The following GATAD2B variants were observed in gnomAD, a reference collection of about 807,000 sequenced individuals.
GATAD2B encodes the protein transcriptional repressor p66-beta.
GATAD2B carries 8 observed loss-of-function variants against 64.3 expected under a neutral mutation model. The ratio of observed to expected loss-of-function variants is 0.12; its 90% CI spans 0.07 to 0.22. GATAD2B has a LOEUF of 0.22. GATAD2B is among the 10% of genes least tolerant of loss of function. The probability of loss-of-function intolerance (pLI) is 1.00; values close to 1 mark genes in which losing one functional copy is unlikely to be tolerated. For missense variants in GATAD2B, 453 were observed against 752.0 expected (o/e 0.60, Z 4.65); for synonymous variants, 281 against 271.3 (o/e 1.04, Z -0.35).
intron 1 of GATAD2B, among the ~76,000 whole-genome samples, chr1:153,880,046 G>C (rs1472508136): frequency 1.3e-5 from 2 of 152,110 alleles, no homozygotes; most frequent in African/African-American, 4.8e-5. Context: ...AAATAAAAAA[G>C]AAGGGGGAGT....
chr1:153,922,411 G>A (rs1245955820), intron 1 of GATAD2B, among the ~76,000 whole-genome samples: 1 of 151,396 alleles, frequency 6.6e-6, no homozygotes, highest in Non-Finnish European at 1.5e-5. Context: ...AAGAGTACAA[G>A]GAGACGAAAT....
At chr1:153,908,533 A>G (rs1181355136) in intron 1 of GATAD2B, among the ~76,000 whole-genome samples, 2 of 151,714 alleles carry the variant, frequency 1.3e-5, no homozygotes, top group Non-Finnish European at 2.9e-5. Flanking sequence ...CTGGAATCCA[A>G]TGTCGCAATC....
In GATAD2B at chr1:153,850,234, C is replaced by T. The variant is rs758469520; in HGVS notation, c.-1-21886G>A. ...CTGAATAATTTTTTTATATTCATTT[C>T]CCAGTTTGGGGATCTCAGACCAAGC... On this transcript the variant is annotated intron_variant, in intron 1 of 10. Transcript: ENST00000368655. Among the ~76,000 whole-genome samples, 53 of 152,168 alleles carry T rather than the reference C, an allele frequency of 3.5e-4. 1 individual carries two copies. Among genetic ancestry groups the T allele is most frequent in the Admixed American group, 1.8e-3 (27 of 15,280 alleles).
intron 1 of GATAD2B, among the ~76,000 whole-genome samples, chr1:153,903,568 G>A (rs1032160499): frequency 2.6e-5 from 4 of 152,034 alleles, no homozygotes; most frequent in Non-Finnish European, 2.9e-5. Flanking sequence ...AAATAATAGC[G>A]ATGAAAATCA....
chr1:153,860,659 T>C (rs1321316365), intron 1 of GATAD2B, among the ~76,000 whole-genome samples: 1 of 151,980 alleles, frequency 6.6e-6, no homozygotes, highest in African/African-American at 2.4e-5. Flanking sequence ...TCTTATCTAC[T>C]TAAAAAAAAT....
At chr1:153,892,394 TTCCC>T (rs1052000413) in intron 1 of GATAD2B, among the ~76,000 whole-genome samples, 9 of 152,080 alleles carry the variant, frequency 5.9e-5, no homozygotes, top group Admixed American at 2.6e-4. Flanking sequence ...CTAATAAGTA[TTCCC>T]TCCTATTGAA....
Position 153,813,470 on chromosome 1 carries a change from T to C in GATAD2B, c.1217-18A>G, listed in dbSNP as rs372610896. 3.2e-5 allele frequency: 50 copies of C among 1,572,310 alleles called. No homozygotes were observed. Among genetic ancestry groups the C allele is most frequent in the East Asian group, 2.2e-4 (10 of 44,620 alleles). ...GCTTTTGCCTAGATACCAACAAAAA[T>C]AGTCAGTGGCTTTACATTTCCTATC... On this transcript the variant is annotated intron_variant, in intron 7 of 10. Transcript: ENST00000368655.
chr1:153,847,565 C>T (rs983074941), intron 1 of GATAD2B, among the ~76,000 whole-genome samples: 2 of 152,136 alleles, frequency 1.3e-5, no homozygotes, highest in African/African-American at 4.8e-5. Context: ...CATTCCTTCA[C>T]AGTAATCTAT....
intron 1 of GATAD2B, among the ~76,000 whole-genome samples, chr1:153,849,568 T>A (rs1191403589): frequency 6.6e-6 from 1 of 152,210 alleles, no homozygotes; most frequent in Non-Finnish European, 1.5e-5. Context: ...CTCTTTCTCA[T>A]ACCCACATGC....
At position 153,904,279 on chromosome 1, in the gene GATAD2B, CAAATAAATAAAT is replaced by C. The variant is rs71093301; in HGVS notation, c.-2+18442_-2+18453del. Among the ~76,000 whole-genome samples, 1,252 of 147,338 alleles carry C rather than the reference CAAATAAATAAAT, an allele frequency of 8.5e-3. 18 individuals are homozygous for C. The highest frequency in any genetic ancestry group is 0.029 in the African/African-American group (1,140 of 39,462). On this transcript the variant is annotated intron_variant, in intron 1 of 10. Coordinates refer to ENST00000368655, the MANE Select transcript of GATAD2B (RefSeq NM_020699.4). Reference sequence around the variant, plus strand: ...TGGGTGAAACACTGAAACTCCATCTCAAATAAATAAATAAATAAATAAATAAATAAATAAATA... The same window carrying C: ...TGGGTGAAACACTGAAACTCCATCTCAAATAAATAAATAAATAAATAAATA...
chr1:153,833,553 G>A (rs551067745), intron 1 of GATAD2B, among the ~76,000 whole-genome samples: 2 of 152,056 alleles, frequency 1.3e-5, no homozygotes, highest in South Asian at 2.1e-4. Flanking sequence ...GGGGGCTCAC[G>A]CCTGTAATCC....
intron 1 of GATAD2B, among the ~76,000 whole-genome samples, chr1:153,848,979 C>CA (rs973607858): frequency 7.3e-4 from 110 of 151,658 alleles, no homozygotes; most frequent in Non-Finnish European, 1.2e-3. Context: ...ACAAACCCCC[C>CA]CCCTCCCCCA....
intron 1 of GATAD2B, among the ~76,000 whole-genome samples, chr1:153,909,283 G>A (rs1472296614): frequency 6.6e-6 from 1 of 151,338 alleles, no homozygotes; most frequent in Non-Finnish European, 1.5e-5. Context: ...GCGCAATCTG[G>A]GCTCACTGCA....
intron 6 of GATAD2B, 59 bp downstream of exon 6, chr1:153,817,313 C>T: frequency 7.0e-7 from 1 of 1,437,388 alleles, no homozygotes; most frequent in Non-Finnish European, 9.2e-7. Context: ...GCCCTTTCGA[C>T]AAGCAAAGCA....
At chr1:153,868,235 A>T (rs1676544569) in intron 1 of GATAD2B, among the ~76,000 whole-genome samples, 1 of 152,140 alleles carries the variant, frequency 6.6e-6, no homozygotes, top group East Asian at 1.9e-4. Context: ...GAAAATAAAA[A>T]TTTTAAAATT....
chr1:153,810,270 G>C lies in GATAD2B; in HGVS notation c.1689C>G (p.His563Gln). ...GTCGGTCTGCCAAACTGGGGCCTTTGTGTCCTCCGATGCCAGTATTCAAGT... is the reference window on the plus strand; with the variant it reads ...GTCGGTCTGCCAAACTGGGGCCTTTCTGTCCTCCGATGCCAGTATTCAAGT... Reference protein sequence around the residue: ...IAYLNTGIGGHKGPSLADRQR... With the variant: ...IAYLNTGIGGQKGPSLADRQR... The change falls in exon 11 of 11, where the codon CAC (histidine) becomes CAG (glutamine). Residue 563 changes from histidine (H) to glutamine (Q), a missense_variant. Physicochemically the swap from His to Gln is conservative, Grantham distance 24 (BLOSUM62 0). Around this residue, in one of 2 missense-constraint regions of GATAD2B, gnomAD observed 160 missense variants for 334.7 expected, o/e 0.48. Coordinates refer to ENST00000368655, the MANE Select transcript of GATAD2B (RefSeq NM_020699.4). 2 of 1,613,352 alleles carry C rather than the reference G, an allele frequency of 1.2e-6. No individual in the cohort carries two copies. The highest frequency in any genetic ancestry group is 1.7e-6 in the Non-Finnish European group (2 of 1,179,754).
At chr1:153,871,950 A>G (rs928840538) in intron 1 of GATAD2B, among the ~76,000 whole-genome samples, 3 of 152,102 alleles carry the variant, frequency 2.0e-5, no homozygotes, top group African/African-American at 7.2e-5. Context: ...ACCCTGTCTC[A>G]AAAAATAAAT....
rs763089701 is a variant in GATAD2B at position 153,811,820 on chromosome 1, C to T, written c.1559G>A (p.Arg520His). Reference protein sequence around the residue: ...QAPQPQSSLQRGIPTSARSML... With the variant: ...QAPQPQSSLQHGIPTSARSML... ...GGAGCGGGCAGATGTGGGTATGCCACGCTGGAGGCTGCTCTGGGGCTGTGG... is the reference window on the plus strand; with the variant it reads ...GGAGCGGGCAGATGTGGGTATGCCATGCTGGAGGCTGCTCTGGGGCTGTGG... The change falls in exon 10 of 11, where the codon CGT becomes CAT. Residue 520 changes from arginine (R) to histidine (H), a missense_variant. This residue lies in a region of GATAD2B where 160 missense variants were observed against 334.7 expected (regional missense o/e 0.48). Transcript: ENST00000368655. 7 of 1,611,932 alleles carry T rather than the reference C, an allele frequency of 4.3e-6. No individual in the cohort carries two copies. The highest frequency in any genetic ancestry group is 1.1e-5 in the South Asian group (1 of 90,730).
intron 2 of GATAD2B, among the ~76,000 whole-genome samples, chr1:153,826,627 T>TCA (rs374450799): frequency 0.072 from 10,690 of 148,830 alleles, 434 homozygotes; most frequent in Middle Eastern, 0.13. Flanking sequence ...TGAAACTCCA[T>TCA]CACACACACA....
Sources: gnomAD v4.1 joint callset for allele counts (sites outside exome capture counted in the v4.1 genomes callset) on GRCh38, gnomAD v4.1.1 for gene constraint, gnomAD v4.1.1 regional missense constraint, MANE v1.5 for transcripts, NCBI Gene and HGNC (gene_info 2026-07-23, HGNC 2026-07-21) for gene names.